NXN: variants seen among roughly 807,000 people sequenced by gnomAD.
NXN encodes nucleoredoxin.
NXN carries 16 observed loss-of-function variants against 48.6 expected under a neutral mutation model. The ratio of observed to expected loss-of-function variants is 0.33; its 90% CI spans 0.22 to 0.50. The LOEUF (loss-of-function observed/expected upper bound fraction) is 0.50, where lower values mean the gene tolerates loss of function less well. NXN is among the 20% of genes least tolerant of loss of function. The probability of loss-of-function intolerance (pLI) is 0.98; values close to 1 mark genes in which losing one functional copy is unlikely to be tolerated. For synonymous variants in NXN, 281 were observed against 269.6 expected, an observed-to-expected ratio of 1.04 and a Z score of -0.41; for missense variants, 492 against 605.5, an observed-to-expected ratio of 0.81 and a Z score of 1.97.
At position 956,253 on chromosome 17, in the gene NXN, T is replaced by C. The variant is rs2069167477; in HGVS notation, c.360+23066A>G. ...CTTTCAATAAACACGGTGCCAAGTA[T>C]TTACTAATAAGAGGTGTCGAACGTG... On this transcript the variant is annotated intron_variant, in intron 1 of 7. Transcript: ENST00000336868. This position sits in a 1 kb window ranked among gnomAD's most constrained non-coding sequence, Gnocchi z 4.1. 6.6e-6 allele frequency among the ~76,000 whole-genome samples: 1 copy of C among 152,028 alleles called. No homozygotes were observed. The highest frequency in any genetic ancestry group is 2.1e-4 in the South Asian group (1 of 4,808).
At chr17:929,354 G>C (rs1255703539) in intron 1 of NXN, among the ~76,000 whole-genome samples, 3 of 152,154 alleles carry the variant, frequency 2.0e-5, no homozygotes, top group African/African-American at 7.2e-5. Flanking sequence ...TGTCCAATTG[G>C]CTACACGTTT....
intron 1 of NXN, among the ~76,000 whole-genome samples, chr17:872,946 G>C (rs563667318): frequency 3.3e-5 from 5 of 152,030 alleles, no homozygotes; most frequent in African/African-American, 4.8e-5. Context: ...CAGCAGACTC[G>C]GAATATAAAG....
At chr17:895,374 C>T (rs554961809) in intron 1 of NXN, among the ~76,000 whole-genome samples, 172 of 151,798 alleles carry the variant, frequency 1.1e-3, no homozygotes, top group African/African-American at 4.1e-3. Context: ...AAGAGGGTAC[C>T]CAAAGAAGCA....
At chr17:944,702 C>T (rs2069022950) in intron 1 of NXN, among the ~76,000 whole-genome samples, 1 of 152,170 alleles carries the variant, frequency 6.6e-6, no homozygotes, top group South Asian at 2.1e-4. Flanking sequence ...CCTTCCTCAT[C>T]TCCACCTCAA....
At chr17:925,458 A>G (rs955866255) in intron 1 of NXN, among the ~76,000 whole-genome samples, 6 of 152,268 alleles carry the variant, frequency 3.9e-5, no homozygotes, top group Admixed American at 3.9e-4. Context: ...GCGCGATCTC[A>G]GCTCACTGCA....
intron 5 of NXN, among the ~76,000 whole-genome samples, chr17:812,912 C>G (rs1377722377): frequency 1.7e-5 from 2 of 117,264 alleles, no homozygotes; most frequent in African/African-American, 3.0e-5. Flanking sequence ...GCATGTGTGA[C>G]TGTAGGTGTG....
Position 830,607 on chromosome 17 carries a change from G to C in NXN, c.361-4529C>G, listed in dbSNP as rs1913402893. Among the ~76,000 whole-genome samples, 1 of 152,188 alleles carries C rather than the reference G, an allele frequency of 6.6e-6. No homozygotes were observed. Among genetic ancestry groups the C allele is most frequent in the South Asian group, 2.1e-4 (1 of 4,826 alleles). ...AGGGGCGGCGGCTGTGATGAGGTCAGAGATCATCATAAGATTTGTGAACCA... is the reference window on the plus strand; with the variant it reads ...AGGGGCGGCGGCTGTGATGAGGTCACAGATCATCATAAGATTTGTGAACCA... On this transcript the variant is annotated intron_variant, in intron 1 of 7. Transcript: ENST00000336868. The surrounding 1 kb of genome is among the most constrained non-coding windows in gnomAD (Gnocchi z 4.2).
At chr17:977,264 A>G (rs1290543368) in intron 1 of NXN, among the ~76,000 whole-genome samples, 1 of 152,222 alleles carries the variant, frequency 6.6e-6, no homozygotes, top group Non-Finnish European at 1.5e-5. Context: ...GTGAGTCAGA[A>G]AAACTCTGGG....
intron 1 of NXN, among the ~76,000 whole-genome samples, chr17:858,467 C>T (rs887524038): frequency 6.6e-5 from 10 of 151,968 alleles, no homozygotes; most frequent in African/African-American, 2.4e-4. Flanking sequence ...GTGGCTCACG[C>T]CTGTAATCTC....
At chr17:975,661 C>G (rs1280127433) in intron 1 of NXN, among the ~76,000 whole-genome samples, 1 of 152,218 alleles carries the variant, frequency 6.6e-6, no homozygotes, top group East Asian at 1.9e-4. Flanking sequence ...CAGTGGTCTG[C>G]ACCCTTGGAT....
chr17:943,427 C>T (rs755340765), intron 1 of NXN, among the ~76,000 whole-genome samples: 4 of 152,152 alleles, frequency 2.6e-5, no homozygotes, highest in Non-Finnish European at 5.9e-5. Context: ...ACCTCAAGCA[C>T]GTCTGTTCCC....
intron 5 of NXN, among the ~76,000 whole-genome samples, chr17:808,292 C>G (rs1287268982): frequency 6.7e-6 from 1 of 148,774 alleles, no homozygotes; most frequent in African/African-American, 2.5e-5. Context: ...GAAGCAGGTT[C>G]TCTGAAATAC....
chr17:832,950 G>A (rs1335883243), intron 1 of NXN, among the ~76,000 whole-genome samples: 1 of 152,116 alleles, frequency 6.6e-6, no homozygotes, highest in Non-Finnish European at 1.5e-5. Context: ...GAGTGCAGTG[G>A]CGCGATCTCA....
Position 825,766 on chromosome 17 carries a change from G to C in NXN, c.478+195C>G, listed in dbSNP as rs925793038. 1.8e-6 allele frequency: 1 copy of C among 558,252 alleles called. No homozygotes were observed. Among genetic ancestry groups the C allele is most frequent in the East Asian group, 3.1e-5 (1 of 32,324 alleles). 34.6% of individuals were successfully genotyped at this position (558,252 alleles called of 1,614,324 possible). A position where few individuals can be genotyped will look rare whatever the true frequency, so the allele number is the denominator to read the frequency against. On this transcript the variant is annotated intron_variant, in intron 2 of 7. Transcript: ENST00000336868. The surrounding 1 kb of genome is among the most constrained non-coding windows in gnomAD (Gnocchi z 4.1). ...TTAAAGCCCCTAGGAGGGACATTCTGATCCCTGTGAAAATCTTAAAACCAT... is the reference window on the plus strand; with the variant it reads ...TTAAAGCCCCTAGGAGGGACATTCTCATCCCTGTGAAAATCTTAAAACCAT...
intron 3 of NXN, among the ~76,000 whole-genome samples, chr17:823,040 C>A (rs571227018): frequency 6.6e-6 from 1 of 150,922 alleles, no homozygotes; most frequent in Non-Finnish European, 1.5e-5. Flanking sequence ...ACAGAGGGTG[C>A]GGTGAGTTGA....
chr17:902,844 T>C (rs1347040931), intron 1 of NXN, among the ~76,000 whole-genome samples: 1 of 151,536 alleles, frequency 6.6e-6, no homozygotes, highest in Non-Finnish European at 1.5e-5. Context: ...AATGGCGCGA[T>C]CTCAGCTCAC....
At chr17:896,856 C>CGGGGGGGGGGGGGG in intron 1 of NXN, 1 of 1,156,928 alleles carries the variant, frequency 8.6e-7, no homozygotes, top group Non-Finnish European at 1.1e-6. Flanking sequence ...CGGTCCTGAC[C>CGGGGGGGGGGGGGG]ACCCGCCCCC....
At chr17:884,798 G>C (rs996483068) in intron 1 of NXN, among the ~76,000 whole-genome samples, 3 of 152,224 alleles carry the variant, frequency 2.0e-5, no homozygotes, top group East Asian at 3.8e-4. Flanking sequence ...CGGATCCCAA[G>C]TGTCTCAACA....
chr17:912,905 G>C (rs975220925), intron 1 of NXN, among the ~76,000 whole-genome samples: 3 of 152,112 alleles, frequency 2.0e-5, no homozygotes, highest in African/African-American at 7.2e-5. Context: ...AGTGAGCCAA[G>C]ATTGCACCAC....
Sources: gnomAD v4.1 joint callset for allele counts (sites outside exome capture counted in the v4.1 genomes callset) on GRCh38, gnomAD v4.1.1 for gene constraint, Gnocchi (gnomAD v3.1) non-coding constraint, MANE v1.5 for transcripts, NCBI Gene and HGNC (gene_info 2026-07-23, HGNC 2026-07-21) for gene names.